Variants in MAPRE2 observed in about 807,000 individuals in gnomAD.
The protein encoded by MAPRE2 is microtubule associated protein RP/EB family member 2, also known as microtubule-associated protein RP/EB family member 2.
In MAPRE2, 13 loss-of-function variants were observed where a neutral mutation model predicts 43.2. The ratio of observed to expected loss-of-function variants is 0.30; its 90% confidence interval spans 0.20 to 0.48. The LOEUF is 0.48. MAPRE2 is among the 20% of genes least tolerant of loss of function. MAPRE2 has a pLI of 0.99. For synonymous variants in MAPRE2, 135 were observed against 148.8 expected (o/e 0.91, Z 0.68); for missense variants, 161 against 400.2 (o/e 0.40, Z 5.10).
chr18:34,979,386 G>C (rs544007080), intron 1 of MAPRE2, among the ~76,000 whole-genome samples: 1 of 152,156 alleles, frequency 6.6e-6, no homozygotes, highest in Non-Finnish European at 1.5e-5. Flanking sequence ...TAATTACAGC[G>C]AGTAGTTTGT....
At chr18:35,121,458 A>C (rs1909661510) in intron 4 of MAPRE2, among the ~76,000 whole-genome samples, 1 of 152,236 alleles carries the variant, frequency 6.6e-6, no homozygotes, top group Admixed American at 6.5e-5. Context: ...GACAGAATTT[A>C]TGCTTTTTTC....
At chr18:35,053,331 T>G (rs961662677) in intron 1 of MAPRE2, among the ~76,000 whole-genome samples, 4 of 152,162 alleles carry the variant, frequency 2.6e-5, no homozygotes, top group African/African-American at 9.6e-5. Flanking sequence ...GAGGTGAAGG[T>G]TGCAGTGAGC....
chr18:34,982,065 A>G (rs593603), intron 1 of MAPRE2, among the ~76,000 whole-genome samples: 2,344 of 151,788 alleles, frequency 0.015, 39 homozygotes, highest in African/African-American at 0.038. Flanking sequence ...ATGTATTTTT[A>G]GTAGAGACGG....
intron 1 of MAPRE2, among the ~76,000 whole-genome samples, chr18:35,057,507 C>CGTGTAT (rs1555914295): frequency 6.7e-6 from 1 of 149,408 alleles, no homozygotes; most frequent in Non-Finnish European, 1.5e-5. Flanking sequence ...GGAGTGTGTG[C>CGTGTAT]GTGTGTGTGT....
chr18:35,005,659 A>G (rs2097031526), intron 2 of MAPRE2: 5 of 611,246 alleles, frequency 8.2e-6, no homozygotes, highest in Non-Finnish European at 1.1e-5. Context: ...ATTCCAGTAC[A>G]CAATTAAAGC....
intron 4 of MAPRE2, among the ~76,000 whole-genome samples, chr18:35,109,487 C>A (rs1232598113): frequency 6.6e-6 from 1 of 152,118 alleles, no homozygotes; most frequent in African/African-American, 2.4e-5. Context: ...TTTACTAATT[C>A]TGTGAAGAAT....
At chr18:35,015,081 T>G (rs1434946694) in intron 2 of MAPRE2, among the ~76,000 whole-genome samples, 2 of 152,136 alleles carry the variant, frequency 1.3e-5, no homozygotes, top group Non-Finnish European at 2.9e-5. Context: ...TTGTATATAT[T>G]CAGACCCCTA....
At chr18:35,096,807 CTTAATAAGTAATACTTAATAA>C (rs774988059) in intron 2 of MAPRE2, among the ~76,000 whole-genome samples, 2 of 103,536 alleles carry the variant, frequency 1.9e-5, no homozygotes, top group Admixed American at 1.9e-4. Context: ...ATACTTAATA[CTTAATAAGTAATACTTAATAA>C]GTAATACTTA....
chr18:34,992,177 T>TA (rs1048664639), intron 1 of MAPRE2, among the ~76,000 whole-genome samples: 2 of 152,072 alleles, frequency 1.3e-5, no homozygotes, highest in Non-Finnish European at 2.9e-5. Context: ...CTCTAGAGAT[T>TA]AAAAAAATTA....
intron 2 of MAPRE2, among the ~76,000 whole-genome samples, chr18:35,006,417 CAT>C (rs1353078276): frequency 3.9e-5 from 6 of 152,150 alleles, no homozygotes; most frequent in Non-Finnish European, 1.5e-5. Context: ...TTAGAAACCT[CAT>C]TCTTGAATAG....
At chr18:34,999,788 C>T (rs112029423) in intron 1 of MAPRE2, among the ~76,000 whole-genome samples, 3,704 of 152,176 alleles carry the variant, frequency 0.024, 129 homozygotes, top group African/African-American at 0.073. Context: ...TTGCCAGATA[C>T]GCTCATTTGG....
chr18:35,019,158 G>T (rs929214243), intron 2 of MAPRE2, among the ~76,000 whole-genome samples: 4 of 151,814 alleles, frequency 2.6e-5, no homozygotes, highest in Admixed American at 2.6e-4. Context: ...TCTTGGTATT[G>T]ATTTCTATTT....
intron 1 of MAPRE2, among the ~76,000 whole-genome samples, chr18:35,059,715 G>T (rs1469003519): frequency 1.3e-5 from 2 of 152,120 alleles, no homozygotes; most frequent in African/African-American, 4.8e-5. Flanking sequence ...GGTTCACTGG[G>T]GAGTTGACAT....
chr18:35,104,162 G>T lies in MAPRE2; in HGVS notation c.610+2003G>T, dbSNP rs369525165. Among the ~76,000 whole-genome samples the T allele has an allele frequency of 3.1e-4, 47 of 152,132 alleles. 2 individuals carry two copies. Among genetic ancestry groups the T allele is most frequent in the East Asian group, 1.3e-3 (7 of 5,192 alleles). ...AACAGTGCCAAATATTAATTGTGGCGATATCAAATAGGATGAAGCCTGAAA... is the reference window on the plus strand; with the variant it reads ...AACAGTGCCAAATATTAATTGTGGCTATATCAAATAGGATGAAGCCTGAAA... On this transcript the variant is annotated intron_variant, in intron 4 of 6. Coordinates refer to ENST00000300249, the MANE Select transcript of MAPRE2 (RefSeq NM_014268.4).
chr18:35,077,268 C>T (rs1603398424), intron 2 of MAPRE2, among the ~76,000 whole-genome samples: 24 of 90,140 alleles, frequency 2.7e-4, no homozygotes, highest in African/African-American at 1.3e-3. Context: ...CACACACACA[C>T]ACATACACAC....
intron 1 of MAPRE2, chr18:34,978,569 C>T: frequency 6.4e-7 from 1 of 1,550,942 alleles, no homozygotes. Flanking sequence ...AACATTTCCC[C>T]TGCTTCTCCT....
At chr18:35,001,187 A>T (rs923637088) in intron 1 of MAPRE2, among the ~76,000 whole-genome samples, 1 of 152,176 alleles carries the variant, frequency 6.6e-6, no homozygotes, top group Admixed American at 6.5e-5. Flanking sequence ...GATAGTGTGA[A>T]CTTAAGGGTA....
At chr18:34,990,418 G>C (rs2097023180) in intron 1 of MAPRE2, among the ~76,000 whole-genome samples, 1 of 152,238 alleles carries the variant, frequency 6.6e-6, no homozygotes, top group East Asian at 1.9e-4. Context: ...GAGAGGGTAA[G>C]GAACACTAGG....
At chr18:35,091,792 GT>G (rs1264909837) in intron 2 of MAPRE2, among the ~76,000 whole-genome samples, 1 of 152,018 alleles carries the variant, frequency 6.6e-6, no homozygotes, top group African/African-American at 2.4e-5. Flanking sequence ...CAGAGCTGTA[GT>G]AGCCAAAATA....
Sources: allele counts gnomAD v4.1 joint callset (sites outside exome capture counted in the v4.1 genomes callset), GRCh38; gene constraint gnomAD v4.1.1; transcripts MANE v1.5; gene names NCBI Gene and HGNC (gene_info 2026-07-23, HGNC 2026-07-21).